Variants in POLR2J3 observed in about 807,000 individuals in gnomAD.
POLR2J3 encodes the protein DNA-directed RNA polymerase II subunit RPB11-b2.
For missense variants in POLR2J3, 5 were observed against 204.2 expected, an observed-to-expected ratio of 0.02 and a Z score of 5.95; for synonymous variants, 2 against 81.3, an observed-to-expected ratio of 0.02 and a Z score of 5.25.
At chr7:102,570,443 C>CT (rs1344280214) in intron 1 of POLR2J3, among the ~76,000 whole-genome samples, 2,093 of 133,034 alleles carry the variant, frequency 0.016, no homozygotes, top group African/African-American at 0.038. Flanking sequence ...TGAATTCCTC[C>CT]TTTTTTTTTT....
At chr7:102,570,134 G>GAAAAA (rs764044873) in intron 1 of POLR2J3, among the ~76,000 whole-genome samples, 4 of 70,452 alleles carry the variant, frequency 5.7e-5, no homozygotes, top group African/African-American at 1.8e-4. Context: ...AAAATACAAA[G>GAAAAA]AAAAAAAAAA....
At chr7:102,572,583 T>A in exon 1 of POLR2J3, 1 of 1,611,450 alleles carries the variant, frequency 6.2e-7, no homozygotes, top group South Asian at 1.1e-5. Flanking sequence ...AGAGCCCTAA[T>A]AAGAGGCCTC....
chr7:102,572,018 C>G (rs1801232014), intron 1 of POLR2J3: 1 of 440,606 alleles, frequency 2.3e-6, no homozygotes. Flanking sequence ...CAGATCAAGC[C>G]ACTCGCCCAC....
chr7:102,571,077 T>TA (rs1404169745), intron 1 of POLR2J3, among the ~76,000 whole-genome samples: 2 of 34,852 alleles, frequency 5.7e-5, no homozygotes, highest in African/African-American at 1.9e-4. Flanking sequence ...ATGCTGACAG[T>TA]AAAATCTCAC....
chr7:102,570,451 T>TC (rs1245373365), intron 1 of POLR2J3, among the ~76,000 whole-genome samples: 1 of 145,098 alleles, frequency 6.9e-6, no homozygotes, highest in African/African-American at 2.5e-5. Flanking sequence ...TCCTTTTTTT[T>TC]TTCCGGTAGA....
chr7:102,572,296 A>T (rs1192055776), intron 1 of POLR2J3, 176 bp downstream of exon 1: 1 of 1,465,936 alleles, frequency 6.8e-7, no homozygotes, highest in African/African-American at 1.4e-5. Context: ...TCATCTGCAA[A>T]ATGAACACAC....
intron 2 of POLR2J3, chr7:102,569,146 T>C (rs1801148742): frequency 6.7e-6 from 1 of 148,452 alleles, no homozygotes; most frequent in African/African-American, 2.6e-5. Flanking sequence ...GAGGCCCAGG[T>C]GGCACTGAGG....
At chr7:102,570,437 TTCC>T (rs2080711515) in intron 1 of POLR2J3, among the ~76,000 whole-genome samples, 4 of 145,660 alleles carry the variant, frequency 2.7e-5, no homozygotes, top group Admixed American at 6.9e-5. Flanking sequence ...CTTTTCTGAA[TTCC>T]TCCTTTTTTT....
chr7:102,570,553 T>C, intron 1 of POLR2J3, among the ~76,000 whole-genome samples: 1 of 149,950 alleles, frequency 6.7e-6, no homozygotes, highest in Non-Finnish European at 1.5e-5. Context: ...AGTGGTGTGA[T>C]CATAGCTCAC....
At chr7:102,572,324 A>G (rs1343214335) in intron 1 of POLR2J3, 148 bp downstream of exon 1, 1 of 1,538,868 alleles carries the variant, frequency 6.5e-7, no homozygotes, top group Admixed American at 2.0e-5. Flanking sequence ...TGCCTCGCGG[A>G]ACGGCCTTAA....
intron 2 of POLR2J3, among the ~76,000 whole-genome samples, chr7:102,568,565 C>T (rs1266622066): frequency 4.6e-5 from 7 of 152,310 alleles, no homozygotes; most frequent in African/African-American, 1.4e-4. Flanking sequence ...GAGAGGAGGG[C>T]CAGCTCCCGG....
At chr7:102,567,856 CAT>C in intron 2 of POLR2J3, 152 bp downstream of exon 3, 1 of 112,512 alleles carries the variant, frequency 8.9e-6, no homozygotes, top group Non-Finnish European at 1.5e-5. Context: ...CCTCAGTCCA[CAT>C]GTCCTGGAGC....
chr7:102,572,365 A>C, intron 1 of POLR2J3, 107 bp downstream of exon 1: 1 of 1,558,916 alleles, frequency 6.4e-7, no homozygotes, highest in Non-Finnish European at 8.7e-7. Context: ...GCAGACGATC[A>C]AGCAAAAGCT....
At chr7:102,572,402 C>A in intron 1 of POLR2J3, 70 bp downstream of exon 1, 1 of 1,611,208 alleles carries the variant, frequency 6.2e-7, no homozygotes, top group Non-Finnish European at 8.5e-7. Flanking sequence ...AAGAGATGGG[C>A]AGGAGACACC....
At chr7:102,568,788 A>AGGGCCCCAGGAGAGCTTGG (rs1801135269) in intron 2 of POLR2J3, among the ~76,000 whole-genome samples, 1 of 151,828 alleles carries the variant, frequency 6.6e-6, no homozygotes, top group Admixed American at 6.6e-5. Flanking sequence ...GGGGAGCAGC[A>AGGGCCCCAGGAGAGCTTGG]GGGCCCCAGG....
intron 1 of POLR2J3, among the ~76,000 whole-genome samples, chr7:102,570,443 CTT>C (rs1344280214): frequency 7.4e-6 from 1 of 135,066 alleles, no homozygotes; most frequent in Admixed American, 7.7e-5. Context: ...TGAATTCCTC[CTT>C]TTTTTTTTCC....
chr7:102,568,281 TC>T, intron 2 of POLR2J3, 97 bp from the exon 3 acceptor site: 1 of 199,382 alleles, frequency 5.0e-6, no homozygotes, highest in Admixed American at 6.0e-5. Flanking sequence ...TAGCCAAAAA[TC>T]CCCCCCAACT....
intron 2 of POLR2J3, 78 bp downstream of exon 2, chr7:102,569,757 A>AG: frequency 7.9e-7 from 1 of 1,269,420 alleles, no homozygotes; most frequent in Non-Finnish European, 1.2e-6. Context: ...AGAGAGACTG[A>AG]GGAAGACTTG....
chr7:102,568,628 C>T (rs1328932322), intron 2 of POLR2J3, among the ~76,000 whole-genome samples: 8 of 144,628 alleles, frequency 5.5e-5, no homozygotes, highest in African/African-American at 1.5e-4. Flanking sequence ...CAGCCGCCAG[C>T]GGCTGGCCAC....
Sources: allele counts gnomAD v4.1 joint callset (sites outside exome capture counted in the v4.1 genomes callset), GRCh38; gene constraint gnomAD v4.1.1; transcripts MANE v1.5; gene names NCBI Gene and HGNC (gene_info 2026-07-23, HGNC 2026-07-21).